The following EHBP1 variants were observed in gnomAD, a reference collection of about 807,000 sequenced individuals.
EHBP1 encodes the protein EH domain-binding protein 1.
EHBP1 carries 55 observed loss-of-function variants against 144.0 expected under a neutral mutation model. The observed-to-expected ratio is 0.38, with a 90% CI of 0.31 to 0.48. The LOEUF is 0.48. EHBP1 is among the 20% of genes least tolerant of loss of function. The pLI, the probability that EHBP1 is intolerant of heterozygous loss-of-function variation, is 0.98. For synonymous variants in EHBP1, 469 were observed against 472.7 expected, an observed-to-expected ratio of 0.99 and a Z score of 0.10; for missense variants, 1,200 against 1,364.2, an observed-to-expected ratio of 0.88 and a Z score of 1.90.
At position 62,990,729 on chromosome 2, in the gene EHBP1, G is replaced by C. The variant is rs1237420768; in HGVS notation, c.2622G>C (p.Lys874Asn). The change falls in exon 16 of 23, where the codon AAG becomes AAC. Residue 874 changes from lysine to asparagine, a missense_variant. This residue lies in a region of EHBP1 where 543 missense variants were observed against 513.1 expected (regional missense o/e 1.06). Transcript: ENST00000431489. The stretch of plus-strand genomic sequence containing the variant: ...CATATTTAACAGAACAAAACAGTAA[G>C]TTGGTGGACTTGAAGCTGAAGAAGC... ...RSKASGEQNS[K>N]LVDLKLKKLL... 3 of 1,613,828 alleles carry C rather than the reference G, an allele frequency of 1.9e-6. No homozygotes were observed. The highest frequency in any genetic ancestry group is 2.5e-6 in the Non-Finnish European group (3 of 1,179,828).
At chr2:62,940,731 A>G (rs978036592) in intron 10 of EHBP1, among the ~76,000 whole-genome samples, 5 of 152,040 alleles carry the variant, frequency 3.3e-5, no homozygotes, top group Admixed American at 1.3e-4. Flanking sequence ...AATTTCATCA[A>G]AGTTTCTTCA....
chr2:62,791,486 T>C (rs1171192798), intron 5 of EHBP1, among the ~76,000 whole-genome samples: 1 of 152,028 alleles, frequency 6.6e-6, no homozygotes, highest in African/African-American at 2.4e-5. Context: ...CACTTAATCA[T>C]ACACTTTGCT....
intron 10 of EHBP1, among the ~76,000 whole-genome samples, chr2:62,913,724 T>C (rs1034627954): frequency 2.4e-4 from 36 of 152,242 alleles, no homozygotes; most frequent in Admixed American, 2.4e-3. Context: ...TGGAAAAATG[T>C]ATTTCTTTAA....
At chr2:62,923,553 G>A (rs551602258) in intron 10 of EHBP1, among the ~76,000 whole-genome samples, 5 of 152,282 alleles carry the variant, frequency 3.3e-5, no homozygotes, top group African/African-American at 1.2e-4. Flanking sequence ...ACACTCCCAG[G>A]TCATCCAAGC....
At chr2:62,948,022 C>T (rs529119853) in intron 12 of EHBP1, among the ~76,000 whole-genome samples, 15 of 152,158 alleles carry the variant, frequency 9.9e-5, no homozygotes, top group Non-Finnish European at 8.8e-5. Flanking sequence ...AAATTTAACT[C>T]TCATTTTTGC....
chr2:63,037,393 GACTTTAACCTTCTTATAAGCAGTTT>G, intron 19 of EHBP1, 117 bp from the exon 20 acceptor site: 1 of 558,876 alleles, frequency 1.8e-6, no homozygotes, highest in Non-Finnish European at 3.1e-6. Context: ...TCAGGACTTA[GACTTTAACCTTCTTATAAGCAGTTT>G]AATATATAGT....
intron 1 of EHBP1, among the ~76,000 whole-genome samples, chr2:62,698,922 T>C (rs2034190514): frequency 6.6e-6 from 1 of 152,260 alleles, no homozygotes; most frequent in Non-Finnish European, 1.5e-5. Context: ...ACAGGGCTAC[T>C]TTCCCTTGGC....
intron 14 of EHBP1, among the ~76,000 whole-genome samples, chr2:62,962,370 C>G (rs560140560): frequency 6.6e-6 from 1 of 152,254 alleles, no homozygotes; most frequent in East Asian, 1.9e-4. Context: ...GTTTCAGATG[C>G]TTTTGCTAAT....
intron 10 of EHBP1, among the ~76,000 whole-genome samples, chr2:62,925,386 T>C (rs1278612632): frequency 6.6e-6 from 1 of 151,426 alleles, no homozygotes; most frequent in Non-Finnish European, 1.5e-5. Context: ...GGCATCCAAA[T>C]TGGAAACAAG....
intron 10 of EHBP1, among the ~76,000 whole-genome samples, chr2:62,878,165 A>G (rs1474376932): frequency 6.6e-6 from 1 of 152,218 alleles, no homozygotes; most frequent in Admixed American, 6.5e-5. Flanking sequence ...CCATAGAAAT[A>G]GGAAAAACAT....
intron 5 of EHBP1, among the ~76,000 whole-genome samples, chr2:62,799,804 A>G (rs1396367536): frequency 1.3e-5 from 2 of 152,140 alleles, no homozygotes; most frequent in South Asian, 2.1e-4. Context: ...AAGTTCAAGG[A>G]AAAAAAGCGT....
chr2:62,943,289 T>A (rs1321436142), intron 11 of EHBP1, among the ~76,000 whole-genome samples: 5 of 143,856 alleles, frequency 3.5e-5, no homozygotes, highest in Non-Finnish European at 7.4e-5. Context: ...GGTAGGAGAA[T>A]CGCTTGAACC....
intron 14 of EHBP1, among the ~76,000 whole-genome samples, chr2:62,974,050 A>T (rs1387314253): frequency 6.6e-6 from 1 of 152,172 alleles, no homozygotes; most frequent in East Asian, 1.9e-4. Context: ...AGTAAACAGG[A>T]TTTTTTTATG....
At chr2:62,796,091 A>G (rs1358915500) in intron 5 of EHBP1, among the ~76,000 whole-genome samples, 1 of 151,866 alleles carries the variant, frequency 6.6e-6, no homozygotes, top group Non-Finnish European at 1.5e-5. Flanking sequence ...ATCTTTTGCT[A>G]GGAGATAATT....
intron 13 of EHBP1, 42 bp from the exon 14 acceptor site, chr2:62,955,475 C>CA (rs754157769): frequency 1.4e-6 from 2 of 1,428,620 alleles, no homozygotes; most frequent in East Asian, 2.3e-5. Context: ...GTAGATTACC[C>CA]GTTTTTTTTT....
chr2:62,764,052 G>T (rs988709517), intron 3 of EHBP1, among the ~76,000 whole-genome samples: 1 of 152,042 alleles, frequency 6.6e-6, no homozygotes, highest in Non-Finnish European at 1.5e-5. Flanking sequence ...GCTGTCATAT[G>T]ATATAACTAT....
intron 19 of EHBP1, among the ~76,000 whole-genome samples, chr2:63,022,648 A>G (rs1274575405): frequency 2.6e-5 from 4 of 152,072 alleles, no homozygotes; most frequent in Non-Finnish European, 5.9e-5. Context: ...ATGGTAGATT[A>G]TTAAGTCTTT....
At chr2:62,886,136 A>G (rs1280554471) in intron 10 of EHBP1, among the ~76,000 whole-genome samples, 1 of 152,130 alleles carries the variant, frequency 6.6e-6, no homozygotes, top group African/African-American at 2.4e-5. Flanking sequence ...ACCTTATATA[A>G]TGGCTTCCTT....
chr2:62,789,755 A>G (rs1316741674), intron 5 of EHBP1, among the ~76,000 whole-genome samples: 1 of 152,164 alleles, frequency 6.6e-6, no homozygotes, highest in Admixed American at 6.5e-5. Context: ...AGCACACACA[A>G]AACTGATCAA....
Sources: allele counts gnomAD v4.1 joint callset (sites outside exome capture counted in the v4.1 genomes callset), GRCh38; gene constraint gnomAD v4.1.1; regional missense constraint gnomAD v4.1.1; transcripts MANE v1.5; gene names NCBI Gene and HGNC (gene_info 2026-07-23, HGNC 2026-07-21).